AUTS2: variants seen among roughly 807,000 people sequenced by gnomAD.
AUTS2 encodes autism susceptibility gene 2 protein.
A neutral mutation model predicts 112.4 loss-of-function variants in AUTS2; 17 were observed. That is an observed-to-expected ratio of 0.15 (90% CI 0.10 to 0.23). The LOEUF (loss-of-function observed/expected upper bound fraction) is 0.23. Ranked by LOEUF, AUTS2 falls within the 10% of genes least tolerant of loss-of-function variation. AUTS2 has a pLI of 1.00. For synonymous variants in AUTS2, 751 were observed against 702.7 expected, an observed-to-expected ratio of 1.07 and a Z score of -1.09; for missense variants, 1,510 against 1,701.6, an observed-to-expected ratio of 0.89 and a Z score of 1.98.
At chr7:69,839,121 T>C (rs915195786) in intron 1 of AUTS2, among the ~76,000 whole-genome samples, 4 of 152,174 alleles carry the variant, frequency 2.6e-5, no homozygotes, top group African/African-American at 9.6e-5. Flanking sequence ...AAGGCCTTCC[T>C]GAGTGTATGA....
chr7:70,630,837 T>C (rs1214697518), intron 5 of AUTS2, among the ~76,000 whole-genome samples: 1 of 152,214 alleles, frequency 6.6e-6, no homozygotes, highest in Non-Finnish European at 1.5e-5. Flanking sequence ...ATGGCAAATG[T>C]TGCAGTAATT....
chr7:70,730,061 T>C (rs1454796639), intron 6 of AUTS2, among the ~76,000 whole-genome samples: 3 of 152,114 alleles, frequency 2.0e-5, no homozygotes, highest in Non-Finnish European at 4.4e-5. Context: ...TTTTTGTATA[T>C]TTAGTAGAGA....
At chr7:70,335,466 A>T (rs1243120164) in intron 4 of AUTS2, among the ~76,000 whole-genome samples, 1 of 152,168 alleles carries the variant, frequency 6.6e-6, no homozygotes, top group African/African-American at 2.4e-5. Context: ...CCATGGCCAT[A>T]CTTATCAGGG....
intron 2 of AUTS2, among the ~76,000 whole-genome samples, chr7:70,089,463 T>C (rs1803792514): frequency 6.6e-6 from 1 of 152,146 alleles, no homozygotes. Flanking sequence ...TTTCATTCCT[T>C]TGCATTTAAC....
chr7:70,688,977 C>T (rs1480417679), intron 5 of AUTS2, among the ~76,000 whole-genome samples: 2 of 152,166 alleles, frequency 1.3e-5, no homozygotes, highest in African/African-American at 4.8e-5. Flanking sequence ...TTGAAGCCCT[C>T]ACTATTAAGA....
chr7:69,727,681 GATTT>G (rs1472029630), intron 1 of AUTS2, among the ~76,000 whole-genome samples: 2 of 152,116 alleles, frequency 1.3e-5, no homozygotes, highest in Non-Finnish European at 2.9e-5. Flanking sequence ...CTGCTTCACT[GATTT>G]ATTTGTCTGT....
chr7:70,237,027 CTT>C (rs1481772964), intron 4 of AUTS2, among the ~76,000 whole-genome samples: 3 of 152,176 alleles, frequency 2.0e-5, no homozygotes, highest in Non-Finnish European at 4.4e-5. Context: ...GTGGAACAGA[CTT>C]TGCACACTCA....
chr7:69,839,887 G>C lies in AUTS2; in HGVS notation c.310-59399G>C, dbSNP rs560177778. On this transcript the variant is annotated intron_variant, in intron 1 of 18. Coordinates refer to ENST00000342771, the MANE Select transcript of AUTS2 (RefSeq NM_015570.4). ...GGAGCTTGGTGGAGGTGGAGGAGAG[G>C]GGGGATGGGGAAAGATAAAGAGGCA... 3.3e-5 allele frequency among the ~76,000 whole-genome samples: 5 copies of C among 152,216 alleles called. No homozygotes were observed. The South Asian group carries it at 1.0e-3, about 32-fold the overall frequency.
chr7:70,068,344 AT>A (rs907781369), intron 2 of AUTS2, among the ~76,000 whole-genome samples: 362 of 143,210 alleles, frequency 2.5e-3, no homozygotes, highest in African/African-American at 3.5e-3. Context: ...CACCCGGCTA[AT>A]TTTTTTTTTT....
chr7:69,726,804 T>C (rs1201857523), intron 1 of AUTS2, among the ~76,000 whole-genome samples: 2 of 152,212 alleles, frequency 1.3e-5, no homozygotes, highest in Non-Finnish European at 2.9e-5. Context: ...ATTTATGATG[T>C]TGAGCACTGT....
intron 4 of AUTS2, among the ~76,000 whole-genome samples, chr7:70,335,382 C>T (rs1015991667): frequency 6.6e-6 from 1 of 152,178 alleles, no homozygotes; most frequent in Non-Finnish European, 1.5e-5. Flanking sequence ...TCCTCTCCTT[C>T]AAAAGGCAGC....
At chr7:70,549,139 A>G (rs1800916600) in intron 5 of AUTS2, among the ~76,000 whole-genome samples, 1 of 152,184 alleles carries the variant, frequency 6.6e-6, no homozygotes, top group Non-Finnish European at 1.5e-5. Flanking sequence ...TGTTATTGTG[A>G]ATAAAATTTT....
intron 4 of AUTS2, among the ~76,000 whole-genome samples, chr7:70,383,436 G>GC (rs1320160624): frequency 4.6e-5 from 7 of 152,170 alleles, no homozygotes; most frequent in African/African-American, 1.7e-4. Flanking sequence ...ACAGCCTTAT[G>GC]CCCCCATTGC....
chr7:69,974,948 G>A (rs1361090686), intron 2 of AUTS2, among the ~76,000 whole-genome samples: 1 of 151,828 alleles, frequency 6.6e-6, no homozygotes, highest in Admixed American at 6.6e-5. Context: ...TTCTGTCCTA[G>A]TGACTTAAGA....
At chr7:70,450,291 C>T (rs1199832510) in intron 5 of AUTS2, among the ~76,000 whole-genome samples, 1 of 152,102 alleles carries the variant, frequency 6.6e-6, no homozygotes, top group African/African-American at 2.4e-5. Flanking sequence ...ATTACAAGAC[C>T]CCGTAGCGTA....
At position 70,435,740 on chromosome 7, in the gene AUTS2, C is replaced by T. The variant is rs760723380; in HGVS notation, c.661-12C>T. Reference sequence around the variant, plus strand: ...CTTGCACTAACCCTTATTCTCTTGTCTTCATTTTCAGTGTGACAGTGACAG... The same window carrying T: ...CTTGCACTAACCCTTATTCTCTTGTTTTCATTTTCAGTGTGACAGTGACAG... On this transcript the variant is annotated splice_polypyrimidine_tract_variant and intron_variant, in intron 4 of 18. Transcript: ENST00000342771. 12 of 1,613,890 alleles carry T rather than the reference C, an allele frequency of 7.4e-6. No individual in the cohort carries two copies. The highest frequency in any genetic ancestry group is 9.3e-6 in the Non-Finnish European group (11 of 1,179,932).
chr7:70,428,335 A>G (rs1259168378), intron 4 of AUTS2, among the ~76,000 whole-genome samples: 1 of 152,170 alleles, frequency 6.6e-6, no homozygotes, highest in African/African-American at 2.4e-5. Flanking sequence ...CCATTTTTAC[A>G]TGAGCAAAGG....
chr7:70,623,669 C>G (rs1804790652), intron 5 of AUTS2, among the ~76,000 whole-genome samples: 1 of 152,184 alleles, frequency 6.6e-6, no homozygotes, highest in African/African-American at 2.4e-5. Context: ...GGATCTAAAG[C>G]CATTCCTTAT....
chr7:69,957,974 G>A (rs1200691330), intron 2 of AUTS2, among the ~76,000 whole-genome samples: 2 of 152,160 alleles, frequency 1.3e-5, no homozygotes, highest in Non-Finnish European at 1.5e-5. Flanking sequence ...GTAAGTATAT[G>A]TAACAGCCCT....
Sources: gnomAD v4.1 joint callset for allele counts (sites outside exome capture counted in the v4.1 genomes callset) on GRCh38, gnomAD v4.1.1 for gene constraint, MANE v1.5 for transcripts, NCBI Gene and HGNC (gene_info 2026-07-23, HGNC 2026-07-21) for gene names.